Variants in SEC14L5 observed in about 807,000 individuals in gnomAD.
SEC14L5 encodes SEC14-like protein 5.
Under a neutral mutation model 84.6 loss-of-function variants are expected in SEC14L5, and 96 were observed. That is an observed-to-expected ratio of 1.13 (90% CI 0.96 to 1.34). SEC14L5 has a LOEUF of 1.34. Among genes scored for constraint, SEC14L5 ranks in the 40% most tolerant of loss-of-function variants. The pLI is 0.00. For missense variants in SEC14L5, 1,224 were observed against 942.5 expected (o/e 1.30, Z -3.91); for synonymous variants, 546 against 383.4 (o/e 1.42, Z -4.95).
At chr16:4,989,393 C>T (rs1334591124) in intron 4 of SEC14L5, among the ~76,000 whole-genome samples, 2 of 149,718 alleles carry the variant, frequency 1.3e-5, no homozygotes, top group Admixed American at 6.7e-5. Flanking sequence ...AGTGCACTGG[C>T]ATAATCTTGG....
At chr16:4,990,599 G>C (rs754816561) in intron 4 of SEC14L5, among the ~76,000 whole-genome samples, 168 bp from the exon 5 acceptor site, 2 of 152,200 alleles carry the variant, frequency 1.3e-5, no homozygotes, top group Non-Finnish European at 2.9e-5. Context: ...ACTTTGCATC[G>C]TTCTCTGGGT....
In SEC14L5 at chr16:5,017,869, C is replaced by G. The variant is rs1201964769; in HGVS notation, c.*2899C>G. 6.6e-6 allele frequency: 1 copy of G among 152,190 alleles called. No homozygotes were observed. The highest frequency in any genetic ancestry group is 1.5e-5 in the Non-Finnish European group (1 of 68,020). 9.4% of individuals were successfully genotyped at this position (152,190 alleles called of 1,614,324 possible). A position where few individuals can be genotyped will look rare whatever the true frequency, so the allele number is the denominator to read the frequency against. On this transcript the variant is annotated 3_prime_UTR_variant, in exon 16 of 16. Coordinates refer to ENST00000251170, the MANE Select transcript of SEC14L5 (RefSeq NM_014692.2). ...AAGGAAGGGATTGCCAAGCTTTTGG[C>G]TTTTGAATTTCCCCTGAGCCACAAA...
chr16:4,991,736 G>A, intron 5 of SEC14L5, 102 bp from the exon 6 acceptor site: 2 of 693,206 alleles, frequency 2.9e-6, no homozygotes, highest in Non-Finnish European at 2.3e-6. Context: ...CACGTGTCGG[G>A]GCTGGGACCT....
At position 5,017,128 on chromosome 16, in the gene SEC14L5, A is replaced by G. The variant is rs543247192; in HGVS notation, c.*2158A>G. On this transcript the variant is annotated 3_prime_UTR_variant, in exon 16 of 16. Transcript: ENST00000251170. Reference sequence around the variant, plus strand: ...TACATTTATTGTCTAGCCCCAGAGAAGGACACAGAAGCCTTTTACGGAAGG... The same window carrying G: ...TACATTTATTGTCTAGCCCCAGAGAGGGACACAGAAGCCTTTTACGGAAGG... The G allele has an allele frequency of 5.6e-4, 84 of 149,410 alleles. No homozygotes were observed. The highest frequency in any genetic ancestry group is 1.9e-3 in the African/African-American group (76 of 40,720). 9.3% of individuals were successfully genotyped at this position (149,410 alleles called of 1,614,324 possible).
chr16:5,000,239 C>T (rs372069543), intron 8 of SEC14L5, among the ~76,000 whole-genome samples: 11 of 151,420 alleles, frequency 7.3e-5, no homozygotes, highest in Non-Finnish European at 7.4e-5. Context: ...TACAGTGAGC[C>T]GAGATCGCAC....
At chr16:4,983,035 C>T (rs1456902362) in intron 2 of SEC14L5, among the ~76,000 whole-genome samples, 1 of 152,112 alleles carries the variant, frequency 6.6e-6, no homozygotes, top group Non-Finnish European at 1.5e-5. Flanking sequence ...TGGAGCCTGG[C>T]TCTGTTGCCC....
In SEC14L5 at chr16:5,000,183, C is replaced by T. The variant is rs1020655807; in HGVS notation, c.971-472C>T. Among the ~76,000 whole-genome samples the T allele has an allele frequency of 1.2e-3, 187 of 150,476 alleles. 1 individual carries two copies. The highest frequency in any genetic ancestry group is 4.3e-3 in the African/African-American group (175 of 40,762). On this transcript the variant is annotated intron_variant, in intron 8 of 15. Transcript: ENST00000251170. ...GTGGGCGCCTGTAATCCCAGCTACT[C>T]GGGAGGCTGAGGCAGGAAAATTGCT... is the stretch of plus-strand genomic sequence containing the variant.
rs1285783063 is a variant in SEC14L5 at position 4,991,938 on chromosome 16, G to A, written c.575G>A (p.Arg192His). 5.6e-6 allele frequency: 9 copies of A among 1,602,294 alleles called. No homozygotes were observed. Among genetic ancestry groups the A allele is most frequent in the South Asian group, 1.1e-5 (1 of 89,734 alleles). ...TPAPVREEDA[R>H]NQAGPRDPSS... The stretch of plus-strand genomic sequence containing the variant: ...GCCCCAGTCCGTGAGGAGGATGCCC[G>A]CAACCAGGCTGGACCGAGGGACCCC... Residue 192 changes from arginine (R) to histidine (H), a missense_variant, in exon 6 of 16, where the codon CGC becomes CAC. Transcript: ENST00000251170.
intron 2 of SEC14L5, among the ~76,000 whole-genome samples, chr16:4,974,562 A>T (rs4785980): frequency 0.25 from 38,047 of 150,980 alleles, 5,104 homozygotes; most frequent in Admixed American, 0.33. Flanking sequence ...TTAATTTTTT[A>T]AAAAAACATT....
At position 5,005,986 on chromosome 16, in the gene SEC14L5, G is replaced by A. The variant is rs1237049714; in HGVS notation, c.1375G>A (p.Gly459Arg). 8.1e-6 allele frequency: 13 copies of A among 1,613,558 alleles called. No homozygotes were observed. The highest frequency in any genetic ancestry group is 1.6e-4 in the Middle Eastern group (1 of 6,080). Residue 459 changes from glycine to arginine, a missense_variant, in exon 12 of 16, where the codon GGA (glycine) becomes AGA (arginine). Gly to Arg is a moderately radical substitution (Grantham distance 125, BLOSUM62 -2). Coordinates refer to ENST00000251170, the MANE Select transcript of SEC14L5 (RefSeq NM_014692.2). ...CAGTGGCAGCAACTACCAGGGACCC[G>A]GAGGCCTTGTGGACTATCTGGATAG... ...IYSGSNYQGP[G>R]GLVDYLDREV...
intron 11 of SEC14L5, 139 bp downstream of exon 11, chr16:5,003,712 A>G: frequency 1.6e-6 from 1 of 620,142 alleles, no homozygotes; most frequent in South Asian, 2.2e-5. Context: ...CATAGCATAA[A>G]GCTCACACTT....
chr16:4,972,084 C>T (rs972079053), intron 2 of SEC14L5, among the ~76,000 whole-genome samples: 14 of 151,686 alleles, frequency 9.2e-5, no homozygotes, highest in African/African-American at 2.9e-4. Context: ...TAGCTCACTA[C>T]AGCCTCAACC....
At chr16:5,010,022 G>A (rs115815296) in intron 14 of SEC14L5, among the ~76,000 whole-genome samples, 334 of 152,020 alleles carry the variant, frequency 2.2e-3, no homozygotes, top group African/African-American at 7.4e-3. Flanking sequence ...GATGTGCACT[G>A]TGGTTTCAGA....
rs780265991 is a variant in SEC14L5, at chr16:5,011,127, C to T, written c.1833C>T (p.Tyr611=). The T allele has an allele frequency of 9.9e-6, 16 of 1,610,214 alleles. No homozygotes were observed. The Middle Eastern group carries it at 1.2e-3, about 117-fold the overall frequency. ...ATGTGACCCGGTGGCCCGGCGTCTA[C>T]CTGCTCCAGTGGCAAATGCACAGCC... is the stretch of plus-strand genomic sequence containing the variant. The part of the protein sequence containing the change: ...GSHVTRWPGV[Y]LLQWQMHSPP... Residue 611 remains tyrosine, a synonymous_variant, in exon 15 of 16, where the codon TAC becomes TAT. Coordinates refer to ENST00000251170, the MANE Select transcript of SEC14L5 (RefSeq NM_014692.2).
intron 14 of SEC14L5, among the ~76,000 whole-genome samples, chr16:5,009,124 C>T (rs1955770709): frequency 6.6e-6 from 1 of 152,276 alleles, no homozygotes; most frequent in South Asian, 2.1e-4. Flanking sequence ...TCATTCTATG[C>T]CTCTGTCCTA....
intron 2 of SEC14L5, among the ~76,000 whole-genome samples, chr16:4,967,596 A>G (rs1273033153): frequency 1.0e-5 from 1 of 97,326 alleles, no homozygotes; most frequent in African/African-American, 4.2e-5. Flanking sequence ...TTTTTTTGAC[A>G]GAGTGTTGCT....
At position 5,008,315 on chromosome 16, in the gene SEC14L5, G is replaced by T. The variant is rs1955756774; in HGVS notation, c.1573-106G>T. On this transcript the variant is annotated intron_variant, in intron 13 of 15. Coordinates refer to ENST00000251170, the MANE Select transcript of SEC14L5 (RefSeq NM_014692.2). ...CTGTAAGGAATGAGCGTGTGCCTGG[G>T]AAAGGAGACCCCAGGGGGCACCCAC... 3.9e-6 allele frequency: 3 copies of T among 769,622 alleles called. No individual in the cohort carries two copies. In the South Asian group the frequency reaches 4.6e-5, roughly 12 times the overall value. 47.7% of individuals were successfully genotyped at this position (769,622 alleles called of 1,614,324 possible).
At chr16:4,996,323 C>G (rs1415947233) in intron 6 of SEC14L5, 25 bp from the exon 7 acceptor site, 1 of 1,391,398 alleles carries the variant, frequency 7.2e-7, no homozygotes, top group Non-Finnish European at 1.0e-6. Context: ...CCCTCTTGTC[C>G]TGAAGCTCCC....
At chr16:4,982,095 A>C (rs922087984) in intron 2 of SEC14L5, among the ~76,000 whole-genome samples, 1 of 151,958 alleles carries the variant, frequency 6.6e-6, no homozygotes, top group African/African-American at 2.4e-5. Context: ...TGACATGGAG[A>C]TATGGCAGGA....
Sources: allele counts gnomAD v4.1 joint callset (sites outside exome capture counted in the v4.1 genomes callset), GRCh38; gene constraint gnomAD v4.1.1; transcripts MANE v1.5; gene names NCBI Gene and HGNC (gene_info 2026-07-23, HGNC 2026-07-21).